Variants in PIK3R3 observed in about 807,000 individuals in gnomAD.
The protein encoded by PIK3R3 is phosphatidylinositol 3-kinase regulatory subunit gamma.
Under a neutral mutation model 62.9 loss-of-function variants are expected in PIK3R3, and 64 were observed. That is an observed-to-expected ratio of 1.02 (90% CI 0.83 to 1.25). The LOEUF (loss-of-function observed/expected upper bound fraction) is 1.25. Ranked by LOEUF, PIK3R3 falls within the 50% of genes most tolerant of loss-of-function variation. The probability of loss-of-function intolerance (pLI) is 0.00; values close to 1 mark genes in which losing one functional copy is unlikely to be tolerated. For synonymous variants in PIK3R3, 165 were observed against 189.0 expected (o/e 0.87, Z 1.04); for missense variants, 614 against 561.6 (o/e 1.09, Z -0.94).
chr1:46,137,741 A>G (rs1295130637), upstream of PIK3R3, among the ~76,000 whole-genome samples: 1 of 152,114 alleles, frequency 6.6e-6, no homozygotes, highest in African/African-American at 2.4e-5. Context: ...TGGTCCTTTA[A>G]CCATCAATGC....
At chr1:46,150,803 CTTTT>C in the PIK3R3 span, among the ~76,000 whole-genome samples, 1 of 112,776 alleles carries the variant, frequency 8.9e-6, no homozygotes, top group Non-Finnish European at 1.8e-5. Context: ...GGTAAACACT[CTTTT>C]TTTTTTTTTT....
the PIK3R3 span, among the ~76,000 whole-genome samples, chr1:46,151,288 GT>G: frequency 6.6e-6 from 1 of 152,082 alleles, no homozygotes; most frequent in South Asian, 2.1e-4. Flanking sequence ...TTCCATTTTT[GT>G]GATGGGAGGT....
intron 1 of PIK3R3, among the ~76,000 whole-genome samples, chr1:46,081,589 C>T (rs933948610): frequency 6.6e-6 from 1 of 152,096 alleles, no homozygotes; most frequent in Non-Finnish European, 1.5e-5. Context: ...GAAACCAATA[C>T]CCCCAGCCTA....
the PIK3R3 span, among the ~76,000 whole-genome samples, chr1:46,139,932 C>G: frequency 6.6e-6 from 1 of 152,154 alleles, no homozygotes. Flanking sequence ...TTCCCAGGAC[C>G]CTGCAAACAA....
chr1:46,129,093 G>T (rs937134731), intron 1 of PIK3R3, among the ~76,000 whole-genome samples: 1 of 151,554 alleles, frequency 6.6e-6, no homozygotes, highest in Non-Finnish European at 1.5e-5. Flanking sequence ...AAAAGAAGAA[G>T]AAGTGCTAGA....
In PIK3R3 at chr1:46,109,452, A is replaced by G. The variant is rs1177235122; in HGVS notation, c.106+22395T>C. Among the ~76,000 whole-genome samples the G allele has an allele frequency of 2.0e-5, 3 of 151,694 alleles. No homozygotes were observed. In the East Asian group the frequency reaches 5.8e-4, roughly 29 times the overall value. On this transcript the variant is annotated intron_variant, in intron 1 of 9. Transcript: ENST00000262741. ...ATTTTTTCCTTCTTGAAAAATCTCT[A>G]CCCGGCTTACCAGAGACCAATGTGC... is the stretch of plus-strand genomic sequence containing the variant.
intron 1 of PIK3R3, 125 bp from the exon 2 acceptor site, chr1:46,080,875 T>C (rs1650520188): frequency 3.2e-6 from 2 of 632,658 alleles, no homozygotes; most frequent in East Asian, 2.6e-5. Flanking sequence ...TTGAGTATTA[T>C]TTTATGTTAA....
chr1:46,166,095 C>G, the PIK3R3 span, among the ~76,000 whole-genome samples: 2 of 151,650 alleles, frequency 1.3e-5, no homozygotes, highest in Non-Finnish European at 2.9e-5. Flanking sequence ...TATGAAGGTA[C>G]CAAGAAAAAA....
chr1:46,146,081 G>T, the PIK3R3 span, among the ~76,000 whole-genome samples: 1 of 152,202 alleles, frequency 6.6e-6, no homozygotes, highest in Non-Finnish European at 1.5e-5. Flanking sequence ...TCTTTTTCAT[G>T]TCTAACGGGG....
chr1:46,067,067 T>C lies in PIK3R3; in HGVS notation c.339A>G (p.Ile113Met), dbSNP rs200819515. 1.5e-5 allele frequency: 23 copies of C among 1,578,660 alleles called. No homozygotes were observed. In the East Asian group the frequency reaches 5.2e-4, roughly 35 times the overall value. ...ATTTACCATCCCGGTGATAGATCTT[T>C]ATTAACTTATTATTGCCTCCCTTCC... ...TLRKGGNNKLIKIYHRDGKYG... is the reference protein window; with the variant it reads ...TLRKGGNNKLMKIYHRDGKYG... Residue 113 changes from isoleucine to methionine, a missense_variant, in exon 4 of 10, where the codon ATA becomes ATG. Ile to Met is a conservative substitution (Grantham distance 10). Coordinates refer to ENST00000262741, the MANE Select transcript of PIK3R3 (RefSeq NM_003629.4).
chr1:46,143,945 C>T, the PIK3R3 span, among the ~76,000 whole-genome samples: 4 of 152,214 alleles, frequency 2.6e-5, no homozygotes, highest in African/African-American at 7.2e-5. Flanking sequence ...CCCACCCACA[C>T]ACCCTTTCCC....
In PIK3R3 at chr1:46,071,710, A is replaced by AT. The variant is rs1394374498; in HGVS notation, c.315-4620_315-4619insA. Among the ~76,000 whole-genome samples, 98 of 41,126 alleles carry AT rather than the reference A, an allele frequency of 2.4e-3. 6 individuals carry two copies. Among genetic ancestry groups the AT allele is most frequent in the African/African-American group, 4.5e-3 (38 of 8,356 alleles). The allele number at this position is 41,126 out of a possible 152,430, so 27.0% of individuals were successfully genotyped here. On this transcript the variant is annotated intron_variant, in intron 3 of 9. Coordinates refer to ENST00000262741, the MANE Select transcript of PIK3R3 (RefSeq NM_003629.4). Reference sequence around the variant, plus strand: ...GACTCTGTCTCCAAAAAAAAAAAAAAAAATATATATATATATATATAGAGA... The same window carrying AT: ...GACTCTGTCTCCAAAAAAAAAAAAAATAAATATATATATATATATATAGAGA...
At chr1:46,050,060 G>A (rs929903751) in intron 7 of PIK3R3, among the ~76,000 whole-genome samples, 1 of 149,026 alleles carries the variant, frequency 6.7e-6, no homozygotes, top group Non-Finnish European at 1.5e-5. Flanking sequence ...GGCAGAGGTT[G>A]CAGTGAGCCG....
intron 1 of PIK3R3, among the ~76,000 whole-genome samples, chr1:46,120,522 G>A (rs1377054596): frequency 1.3e-5 from 2 of 152,162 alleles, no homozygotes; most frequent in African/African-American, 4.8e-5. Context: ...GCAATGAGCT[G>A]AGATCGTGCC....
At chr1:46,125,562 A>G (rs2149473471) in intron 1 of PIK3R3, among the ~76,000 whole-genome samples, 1 of 152,310 alleles carries the variant, frequency 6.6e-6, no homozygotes, top group African/African-American at 2.4e-5. Context: ...GGGCCAGTGT[A>G]CCAGTTTTCC....
chr1:46,080,828 C>G (rs1332511695), intron 1 of PIK3R3, 78 bp from the exon 2 acceptor site: 1 of 857,556 alleles, frequency 1.2e-6, no homozygotes, highest in Non-Finnish European at 1.9e-6. Flanking sequence ...AGCTCACTAA[C>G]CAAGGTATGT....
At chr1:46,066,782 G>T in intron 4 of PIK3R3, 129 bp downstream of exon 4, 1 of 789,628 alleles carries the variant, frequency 1.3e-6, no homozygotes, top group Non-Finnish European at 2.1e-6. Context: ...CAGAGACCCT[G>T]TCTCAAAGTA....
At chr1:46,075,621 T>TA (rs35844006) in intron 3 of PIK3R3, among the ~76,000 whole-genome samples, 30,261 of 146,128 alleles carry the variant, frequency 0.21, 3,408 homozygotes, top group Non-Finnish European at 0.27. Context: ...TAACCTGTGT[T>TA]AAAAAAAAAA....
chr1:46,103,000 G>A (rs962854364), intron 1 of PIK3R3, among the ~76,000 whole-genome samples: 5 of 152,044 alleles, frequency 3.3e-5, no homozygotes, highest in Non-Finnish European at 7.4e-5. Context: ...TAAAAAGGAA[G>A]AAAATCCTTT....
Sources: gnomAD v4.1 joint callset for allele counts (sites outside exome capture counted in the v4.1 genomes callset) on GRCh38, gnomAD v4.1.1 for gene constraint, MANE v1.5 for transcripts, NCBI Gene and HGNC (gene_info 2026-07-23, HGNC 2026-07-21) for gene names.